Variants in BLTP1 observed in about 807,000 individuals in gnomAD.
BLTP1 encodes the protein fragile site-associated protein.
the BLTP1 span, among the ~76,000 whole-genome samples, chr4:122,186,574 A>G: frequency 1.3e-5 from 2 of 151,824 alleles, no homozygotes; most frequent in African/African-American, 4.9e-5. Flanking sequence ...GTTTCTAAAC[A>G]TATGTGTTTA....
At chr4:122,176,947 A>G in the BLTP1 span, among the ~76,000 whole-genome samples, 2 of 152,170 alleles carry the variant, frequency 1.3e-5, no homozygotes, top group Non-Finnish European at 2.9e-5. Context: ...ATATGTATGA[A>G]GTATTCTGAG....
the BLTP1 span, among the ~76,000 whole-genome samples, chr4:122,335,592 G>A: frequency 6.6e-6 from 1 of 152,118 alleles, no homozygotes; most frequent in African/African-American, 2.4e-5. Flanking sequence ...TGTCCATTAA[G>A]TGCATGGCAG....
At chr4:122,264,115 ATTT>A in the BLTP1 span, 752 of 1,236,788 alleles carry the variant, frequency 6.1e-4, 1 homozygote, top group Non-Finnish European at 7.4e-4. Context: ...AGTATGCATT[ATTT>A]TTTTTCTTTT....
the BLTP1 span, among the ~76,000 whole-genome samples, chr4:122,285,327 A>G: frequency 1.3e-5 from 2 of 152,192 alleles, no homozygotes; most frequent in African/African-American, 2.4e-5. Context: ...GATTATTTCA[A>G]TCTTGGCGTT....
the BLTP1 span, chr4:122,219,264 C>T: frequency 1.3e-6 from 2 of 1,545,156 alleles, no homozygotes. Flanking sequence ...GCATAATTTA[C>T]AAATTTAGGC....
chr4:122,247,160 G>A, the BLTP1 span: 3 of 1,602,224 alleles, frequency 1.9e-6, no homozygotes, highest in African/African-American at 1.3e-5. Flanking sequence ...TCATAAAGAG[G>A]TGTGGTTGAA....
At chr4:122,209,092 C>T in the BLTP1 span, 25 of 1,420,108 alleles carry the variant, frequency 1.8e-5, no homozygotes, top group South Asian at 1.1e-4. Context: ...CAGGTTTGCC[C>T]GTAAGTATTA....
the BLTP1 span, among the ~76,000 whole-genome samples, chr4:122,281,110 C>T: frequency 6.6e-6 from 1 of 152,090 alleles, no homozygotes; most frequent in African/African-American, 2.4e-5. Flanking sequence ...GCACACAATG[C>T]ACTAAGAACA....
the BLTP1 span, among the ~76,000 whole-genome samples, chr4:122,313,181 T>C: frequency 6.6e-6 from 1 of 152,166 alleles, no homozygotes; most frequent in Non-Finnish European, 1.5e-5. Flanking sequence ...GTAAGACTGA[T>C]GAATCATGTG....
chr4:122,182,470 A>C, the BLTP1 span, among the ~76,000 whole-genome samples: 2 of 152,178 alleles, frequency 1.3e-5, no homozygotes, highest in Non-Finnish European at 2.9e-5. Flanking sequence ...TTGAATTTCT[A>C]AACACACACA....
chr4:122,189,287 T>A, the BLTP1 span: 764 of 977,034 alleles, frequency 7.8e-4, no homozygotes, highest in Non-Finnish European at 8.8e-4. Flanking sequence ...AGAAGTTAAT[T>A]TTGATATGCA....
the BLTP1 span, among the ~76,000 whole-genome samples, chr4:122,275,334 C>T: frequency 3.9e-5 from 6 of 151,960 alleles, no homozygotes; most frequent in African/African-American, 9.7e-5. Context: ...AATTGAGGTT[C>T]AGAAAGATCA....
At chr4:122,287,924 G>T in the BLTP1 span, among the ~76,000 whole-genome samples, 2 of 151,972 alleles carry the variant, frequency 1.3e-5, no homozygotes, top group African/African-American at 4.8e-5. Flanking sequence ...CCATTTAAAA[G>T]AAAATACACG....
At chr4:122,289,019 G>A in the BLTP1 span, 1 of 1,497,846 alleles carries the variant, frequency 6.7e-7, no homozygotes, top group Non-Finnish European at 9.1e-7. Context: ...AGTTTAGGGT[G>A]ATTTATGTAA....
the BLTP1 span, chr4:122,337,093 A>T: frequency 7.4e-7 from 1 of 1,354,834 alleles, no homozygotes; most frequent in South Asian, 1.3e-5. Flanking sequence ...ACATTTCAAC[A>T]TTATTACTGT....
chr4:122,209,413 G>C, the BLTP1 span: 2 of 1,413,700 alleles, frequency 1.4e-6, no homozygotes, highest in South Asian at 1.2e-5. Flanking sequence ...GGGAGGCCGA[G>C]ATGGGTGGAT....
the BLTP1 span, chr4:122,271,850 T>TATCA: frequency 1.4e-6 from 1 of 731,766 alleles, no homozygotes; most frequent in East Asian, 2.7e-5. Flanking sequence ...AGAAATTGTC[T>TATCA]ATCACCAGGG....
chr4:122,246,388 T>G, the BLTP1 span: 1 of 1,216,786 alleles, frequency 8.2e-7, no homozygotes, highest in African/African-American at 1.5e-5. Flanking sequence ...TGAATAATGG[T>G]AGAACAGTGT....
At chr4:122,281,977 C>CT in the BLTP1 span, 2 of 984,860 alleles carry the variant, frequency 2.0e-6, no homozygotes, top group Non-Finnish European at 2.4e-6. Context: ...AGAATGAACT[C>CT]TTTTGAACTC....
Sources: allele counts gnomAD v4.1 joint callset (sites outside exome capture counted in the v4.1 genomes callset), GRCh38; gene constraint gnomAD v4.1.1; transcripts MANE v1.5; gene names NCBI Gene and HGNC (gene_info 2026-07-23, HGNC 2026-07-21).